DLGAP2: variants seen among roughly 807,000 people sequenced by gnomAD.
DLGAP2 encodes the protein disks large-associated protein 2.
DLGAP2 carries 26 observed loss-of-function variants against 100.3 expected under a neutral mutation model. The observed-to-expected ratio is 0.26, with a 90% CI of 0.19 to 0.36. DLGAP2 has a LOEUF of 0.36. DLGAP2 is among the 10% of genes least tolerant of loss of function. The pLI is 1.00. For missense variants in DLGAP2, 1,858 were observed against 1,453.2 expected, an observed-to-expected ratio of 1.28 and a Z score of -4.53; for synonymous variants, 886 against 630.1, an observed-to-expected ratio of 1.41 and a Z score of -6.08.
chr8:1,068,739 G>C, intron 2 of DLGAP2, among the ~76,000 whole-genome samples: 1 of 152,164 alleles, frequency 6.6e-6, no homozygotes, highest in African/African-American at 2.4e-5. Flanking sequence ...CAGCGCATGT[G>C]GGTCCGGGAT....
chr8:1,422,250 G>A (rs188010831), intron 3 of DLGAP2, among the ~76,000 whole-genome samples: 142 of 152,246 alleles, frequency 9.3e-4, no homozygotes, highest in African/African-American at 3.3e-3. Flanking sequence ...TATGGAATAT[G>A]GAAAAGATAC....
At chr8:1,521,040 C>G (rs1330059303) in intron 4 of DLGAP2, among the ~76,000 whole-genome samples, 1 of 152,096 alleles carries the variant, frequency 6.6e-6, no homozygotes, top group African/African-American at 2.4e-5. Context: ...TGGATTCTGG[C>G]CGTTCTATTC....
chr8:1,595,644 C>A (rs367840446), intron 6 of DLGAP2, among the ~76,000 whole-genome samples: 9 of 147,122 alleles, frequency 6.1e-5, no homozygotes, highest in East Asian at 2.0e-4. Flanking sequence ...TCCGCAGTCC[C>A]GCCTGGGCGA....
At chr8:1,097,897 C>G (rs1804439478) in intron 2 of DLGAP2, among the ~76,000 whole-genome samples, 1 of 151,622 alleles carries the variant, frequency 6.6e-6, no homozygotes, top group Non-Finnish European at 1.5e-5. Flanking sequence ...GACCCACCTC[C>G]CTGCGCTCAG....
chr8:1,432,331 G>C (rs1214970372), intron 3 of DLGAP2, among the ~76,000 whole-genome samples: 1 of 152,172 alleles, frequency 6.6e-6, no homozygotes, highest in African/African-American at 2.4e-5. Context: ...TTATATTCAA[G>C]AAATTCTATG....
At chr8:867,144 G>T (rs1797513997) in intron 1 of DLGAP2, among the ~76,000 whole-genome samples, 1 of 152,220 alleles carries the variant, frequency 6.6e-6, no homozygotes, top group South Asian at 2.1e-4. Context: ...AGACTTCTCA[G>T]TTCAGACACG....
intron 3 of DLGAP2, among the ~76,000 whole-genome samples, chr8:1,299,207 G>C (rs1215695085): frequency 6.6e-6 from 1 of 152,222 alleles, no homozygotes; most frequent in Non-Finnish European, 1.5e-5. Context: ...GTACTGTGCA[G>C]GGCGGCACAG....
chr8:1,426,667 G>A (rs1466699121), intron 3 of DLGAP2, among the ~76,000 whole-genome samples: 1 of 152,178 alleles, frequency 6.6e-6, no homozygotes, highest in African/African-American at 2.4e-5. Flanking sequence ...CACCCAGAAA[G>A]ATAGGAATCT....
At chr8:1,356,392 A>G (rs963143271) in intron 3 of DLGAP2, among the ~76,000 whole-genome samples, 1 of 152,330 alleles carries the variant, frequency 6.6e-6, no homozygotes, top group Non-Finnish European at 1.5e-5. Flanking sequence ...TAGGATGCCA[A>G]CCAGAAAAAT....
chr8:1,270,966 C>T (rs190800983), intron 3 of DLGAP2, among the ~76,000 whole-genome samples: 15 of 152,154 alleles, frequency 9.9e-5, no homozygotes, highest in Non-Finnish European at 1.0e-4. Context: ...TATTGTTAGA[C>T]GTGTTGCAAA....
At chr8:1,307,523 C>T (rs1199176137) in intron 3 of DLGAP2, among the ~76,000 whole-genome samples, 1 of 152,160 alleles carries the variant, frequency 6.6e-6, no homozygotes, top group Non-Finnish European at 1.5e-5. Context: ...TCTGGCCATA[C>T]ACCCAAAAGA....
Position 1,626,767 on chromosome 8 carries a change from T to C in DLGAP2, c.1470T>C (p.Asp490=), listed in dbSNP as rs183392303. The part of the protein sequence containing the change: ...QTQTYLQAAS[D]VPVGHSLDPA... ...AGACCTACCTGCAAGCTGCAAGCGA[T>C]GTGCCTGTGGGACACAGCCTGGACC... Residue 490 remains aspartate (D), a synonymous_variant, in exon 7 of 15, where the codon GAT becomes GAC. Coordinates refer to ENST00000637795, the MANE Select transcript of DLGAP2 (RefSeq NM_001346810.2). The C allele has an allele frequency of 3.8e-4, 611 of 1,604,344 alleles. 4 individuals are homozygous for C. In the African/African-American group the frequency reaches 7.3e-3, roughly 19 times the overall value.
intron 3 of DLGAP2, among the ~76,000 whole-genome samples, chr8:1,460,093 G>T (rs773002109): frequency 3.3e-5 from 5 of 152,222 alleles, no homozygotes; most frequent in Non-Finnish European, 5.9e-5. Flanking sequence ...GCGTGAGCAG[G>T]AAGGACGCTG....
intron 3 of DLGAP2, among the ~76,000 whole-genome samples, chr8:1,440,534 G>T (rs762659609): frequency 2.6e-5 from 4 of 152,208 alleles, no homozygotes; most frequent in African/African-American, 9.6e-5. Flanking sequence ...TCTGTTAGCC[G>T]TGCAAATGTT....
At chr8:1,540,297 C>G (rs1005647986) in intron 4 of DLGAP2, among the ~76,000 whole-genome samples, 1 of 152,300 alleles carries the variant, frequency 6.6e-6, no homozygotes, top group South Asian at 2.1e-4. Context: ...GCCTGTTTAT[C>G]TGTTTATTGC....
Position 1,595,641 on chromosome 8 carries a change from T to A in DLGAP2, c.1442+29747T>A, listed in dbSNP as rs373910821. Among the ~76,000 whole-genome samples, 51 of 132,730 alleles carry A rather than the reference T, an allele frequency of 3.8e-4. 1 individual carries two copies. In the South Asian group the frequency reaches 0.011, roughly 30 times the overall value. The allele number at this position is 132,730 out of a possible 152,430, so 87.1% of individuals were successfully genotyped here. A position where few individuals can be genotyped will look rare whatever the true frequency, so the allele number is the denominator to read the frequency against. Reference sequence around the variant, plus strand: ...GAGATTGCGCCACTGCAGTCCGCAGTCCCGCCTGGGCGACAGAGCGAGACT... The same window carrying A: ...GAGATTGCGCCACTGCAGTCCGCAGACCCGCCTGGGCGACAGAGCGAGACT... On this transcript the variant is annotated intron_variant, in intron 6 of 14. Transcript: ENST00000637795.
chr8:1,277,534 G>A (rs1392764124), intron 3 of DLGAP2, among the ~76,000 whole-genome samples: 1 of 152,206 alleles, frequency 6.6e-6, no homozygotes, highest in Non-Finnish European at 1.5e-5. Flanking sequence ...TGAAACAGAT[G>A]ATTCTTGAGC....
intron 1 of DLGAP2, among the ~76,000 whole-genome samples, chr8:850,185 C>T (rs1048508150): frequency 2.0e-5 from 3 of 151,976 alleles, no homozygotes; most frequent in Admixed American, 1.3e-4. Context: ...CCCACCTTTG[C>T]GTTGTCTTTT....
chr8:1,244,404 G>A lies in DLGAP2; in HGVS notation c.74-14447G>A, dbSNP rs188042617. Among the ~76,000 whole-genome samples, 495 of 152,310 alleles carry A rather than the reference G, an allele frequency of 3.2e-3. 4 individuals carry two copies. Among genetic ancestry groups the A allele is most frequent in the African/African-American group, 0.012 (481 of 41,560 alleles). On this transcript the variant is annotated intron_variant, in intron 2 of 14. Transcript: ENST00000637795. ...ACATAGGGATATGAGCTCCTGAGGA[G>A]GAAAGGCAAAATATTGTGTTATAAT...
Sources: gnomAD v4.1 joint callset for allele counts (sites outside exome capture counted in the v4.1 genomes callset) on GRCh38, gnomAD v4.1.1 for gene constraint, MANE v1.5 for transcripts, NCBI Gene and HGNC (gene_info 2026-07-23, HGNC 2026-07-21) for gene names.